The following ABCC4 variants were observed in gnomAD, a reference collection of about 807,000 sequenced individuals.
ABCC4 encodes the protein ATP-binding cassette sub-family C member 4.
ABCC4 carries 102 observed loss-of-function variants against 168.5 expected under a neutral mutation model. That is an observed-to-expected ratio of 0.61 (90% CI 0.52 to 0.71). The LOEUF (loss-of-function observed/expected upper bound fraction) is 0.71, where lower values mean the gene tolerates loss of function less well. Ranked by LOEUF, ABCC4 falls within the 30% of genes least tolerant of loss-of-function variation. The pLI is 0.00. For synonymous variants in ABCC4, 617 were observed against 590.7 expected, an observed-to-expected ratio of 1.04 and a Z score of -0.65; for missense variants, 1,402 against 1,605.8, an observed-to-expected ratio of 0.87 and a Z score of 2.17.
intron 27 of ABCC4, among the ~76,000 whole-genome samples, chr13:95,051,508 A>G (rs189727613): frequency 6.7e-6 from 1 of 150,304 alleles, no homozygotes; most frequent in Non-Finnish European, 1.5e-5. Context: ...AGCTGGGACT[A>G]CAGGTGCATG....
At chr13:95,044,227 A>T in intron 28 of ABCC4, 39 bp downstream of exon 28, 1 of 1,543,484 alleles carries the variant, frequency 6.5e-7, no homozygotes, top group Non-Finnish European at 8.7e-7. Flanking sequence ...TACACACTTA[A>T]AATGTGGACT....
intron 19 of ABCC4, among the ~76,000 whole-genome samples, chr13:95,152,736 G>C (rs1366588253): frequency 6.6e-6 from 1 of 151,864 alleles, no homozygotes; most frequent in Non-Finnish European, 1.5e-5. Flanking sequence ...ATAATAAAGG[G>C]GGAAGGAATA....
intron 3 of ABCC4, among the ~76,000 whole-genome samples, chr13:95,239,846 G>A (rs576196898): frequency 6.6e-6 from 1 of 152,226 alleles, no homozygotes; most frequent in Non-Finnish European, 1.5e-5. Context: ...GTTGATAATG[G>A]CAAAGTTTCT....
At chr13:95,172,088 G>A (rs1026144845) in intron 13 of ABCC4, among the ~76,000 whole-genome samples, 2 of 152,146 alleles carry the variant, frequency 1.3e-5, no homozygotes, top group Non-Finnish European at 2.9e-5. Flanking sequence ...ATCTTCCATT[G>A]TAGATGAGAT....
At chr13:95,223,736 A>G (rs1461955982) in intron 4 of ABCC4, among the ~76,000 whole-genome samples, 1 of 152,176 alleles carries the variant, frequency 6.6e-6, no homozygotes, top group Admixed American at 6.5e-5. Flanking sequence ...TCCTGACTTC[A>G]TGTGATCTGC....
At chr13:95,280,706 A>T (rs2138914688) in intron 1 of ABCC4, among the ~76,000 whole-genome samples, 1 of 152,154 alleles carries the variant, frequency 6.6e-6, no homozygotes, top group East Asian at 1.9e-4. Flanking sequence ...AGGGACTCTC[A>T]GAAAATGTGC....
intron 26 of ABCC4, among the ~76,000 whole-genome samples, chr13:95,061,801 C>A (rs1201359744): frequency 1.3e-5 from 2 of 152,132 alleles, no homozygotes; most frequent in Non-Finnish European, 2.9e-5. Context: ...TGAGGCCCCA[C>A]AGCTGCAGAC....
intron 4 of ABCC4, among the ~76,000 whole-genome samples, chr13:95,211,028 G>A (rs1446659862): frequency 1.3e-5 from 2 of 152,026 alleles, no homozygotes; most frequent in East Asian, 3.9e-4. Flanking sequence ...ATTTGGACAC[G>A]CCCCCAAGTA....
chr13:95,208,335 C>CAA (rs757937530), intron 6 of ABCC4, among the ~76,000 whole-genome samples: 18,917 of 75,074 alleles, frequency 0.25, 1,635 homozygotes, highest in Admixed American at 0.33. Flanking sequence ...AAGAGGAGAG[C>CAA]AAAAAAAAAA....
At chr13:95,218,933 G>A (rs2039212897) in intron 4 of ABCC4, among the ~76,000 whole-genome samples, 1 of 19,352 alleles carries the variant, frequency 5.2e-5, no homozygotes, top group Non-Finnish European at 1.2e-4. Flanking sequence ...GAAAGAGAAA[G>A]AAAGAAAGAA....
At chr13:95,177,834 A>G (rs2037759115) in intron 12 of ABCC4, 41 bp from the exon 13 acceptor site, 1 of 1,572,620 alleles carries the variant, frequency 6.4e-7, no homozygotes, top group Non-Finnish European at 8.7e-7. Flanking sequence ...ACCCAGGAAC[A>G]TGACAACTTT....
chr13:95,283,573 G>A (rs1347868501), intron 1 of ABCC4, among the ~76,000 whole-genome samples: 1 of 151,942 alleles, frequency 6.6e-6, no homozygotes, highest in African/African-American at 2.4e-5. Context: ...GCAGCCAGAA[G>A]GATATTTTTT....
intron 1 of ABCC4, among the ~76,000 whole-genome samples, chr13:95,271,439 G>T (rs371492384): frequency 6.6e-6 from 1 of 152,260 alleles, no homozygotes; most frequent in African/African-American, 2.4e-5. Flanking sequence ...AGAGGTCCCC[G>T]TCAGCTGTGC....
chr13:95,032,717 G>A (rs1165666625), intron 30 of ABCC4, among the ~76,000 whole-genome samples: 1 of 151,316 alleles, frequency 6.6e-6, no homozygotes, highest in East Asian at 1.9e-4. Context: ...AGGCTGGAGT[G>A]CAGTGGCGCC....
intron 19 of ABCC4, among the ~76,000 whole-genome samples, chr13:95,132,580 T>C (rs1019503969): frequency 6.6e-6 from 1 of 152,234 alleles, no homozygotes; most frequent in African/African-American, 2.4e-5. Flanking sequence ...GTAAGTGCTA[T>C]GTATTTGTAA....
chr13:95,285,035 C>T (rs1477166468), intron 1 of ABCC4, among the ~76,000 whole-genome samples: 1 of 152,000 alleles, frequency 6.6e-6, no homozygotes, highest in Non-Finnish European at 1.5e-5. Flanking sequence ...CATTTGAGTC[C>T]AGGAGTTTGA....
intron 1 of ABCC4, among the ~76,000 whole-genome samples, chr13:95,250,989 T>G (rs1566569489): frequency 3.9e-5 from 6 of 152,140 alleles, no homozygotes; most frequent in Admixed American, 2.6e-4. Context: ...GGTCTCTCTA[T>G]GTTGCCCAGG....
chr13:95,227,489 C>T (rs1289712632), intron 4 of ABCC4, among the ~76,000 whole-genome samples: 1 of 152,106 alleles, frequency 6.6e-6, no homozygotes, highest in African/African-American at 2.4e-5. Context: ...TTGTCAGAAA[C>T]TTAGAAAATA....
chr13:95,073,089 A>T lies in ABCC4; in HGVS notation c.3018+115T>A, dbSNP rs187944090. On this transcript the variant is annotated intron_variant, in intron 24 of 30. Transcript: ENST00000645237. Reference sequence around the variant, plus strand: ...CAGATGGAGGAAGGATCTTAAAAAAAATCTGTTACCAAAGATGTAAAAATA... The same window carrying T: ...CAGATGGAGGAAGGATCTTAAAAAATATCTGTTACCAAAGATGTAAAAATA... 418 of 763,478 alleles carry T rather than the reference A, an allele frequency of 5.5e-4. No homozygotes were observed. The African/African-American group carries it at 6.6e-3, about 12-fold the overall frequency. The allele number at this position is 763,478 out of a possible 1,614,324, so 47.3% of individuals were successfully genotyped here. A position where few individuals can be genotyped will look rare whatever the true frequency, so the allele number is the denominator to read the frequency against.
Sources: allele counts gnomAD v4.1 joint callset (sites outside exome capture counted in the v4.1 genomes callset), GRCh38; gene constraint gnomAD v4.1.1; transcripts MANE v1.5; gene names NCBI Gene and HGNC (gene_info 2026-07-23, HGNC 2026-07-21).